The following TSPAN12 variants were observed in gnomAD, a reference collection of about 807,000 sequenced individuals.
TSPAN12 encodes tetraspanin-12.
In TSPAN12, 19 loss-of-function variants were observed where a neutral mutation model predicts 39.2. The ratio of observed to expected loss-of-function variants is 0.49; its 90% CI spans 0.34 to 0.71. TSPAN12 has a LOEUF of 0.71. TSPAN12 is among the 30% of genes least tolerant of loss of function. The pLI is 0.01. For missense variants in TSPAN12, 314 were observed against 359.9 expected (o/e 0.87, Z 1.03); for synonymous variants, 119 against 124.8 (o/e 0.95, Z 0.31).
intron 2 of TSPAN12, among the ~76,000 whole-genome samples, chr7:120,851,263 G>A (rs1363901263): frequency 6.6e-6 from 1 of 152,146 alleles, no homozygotes; most frequent in Non-Finnish European, 1.5e-5. Context: ...GAAAAAGAAA[G>A]AGAGCATTGA....
intron 2 of TSPAN12, among the ~76,000 whole-genome samples, chr7:120,855,603 T>C (rs1794855719): frequency 6.6e-6 from 1 of 152,226 alleles, no homozygotes; most frequent in South Asian, 2.1e-4. Flanking sequence ...CCCAATGCTT[T>C]AATTTTGAGA....
At chr7:120,816,676 A>G (rs1222264132) in intron 4 of TSPAN12, among the ~76,000 whole-genome samples, 1 of 152,164 alleles carries the variant, frequency 6.6e-6, no homozygotes, top group East Asian at 1.9e-4. Context: ...TAAATAATAC[A>G]CTAGTGAATT....
At chr7:120,805,765 T>A (rs571010582) in intron 7 of TSPAN12, among the ~76,000 whole-genome samples, 1 of 152,256 alleles carries the variant, frequency 6.6e-6, no homozygotes, top group Admixed American at 6.5e-5. Flanking sequence ...ATGTAGCTAG[T>A]GCAACAGAGG....
At chr7:120,836,833 T>A (rs1794485577) in intron 4 of TSPAN12, among the ~76,000 whole-genome samples, 1 of 152,222 alleles carries the variant, frequency 6.6e-6, no homozygotes, top group Admixed American at 6.5e-5. Context: ...ATTACTTTGT[T>A]GTTTGTCAAT....
intron 7 of TSPAN12, among the ~76,000 whole-genome samples, chr7:120,790,452 A>G (rs984219793): frequency 6.6e-6 from 1 of 152,232 alleles, no homozygotes; most frequent in African/African-American, 2.4e-5. Context: ...AGAACCCAGT[A>G]GGTACAATCT....
At chr7:120,838,634 A>C in intron 4 of TSPAN12, 143 bp downstream of exon 4, 1 of 808,114 alleles carries the variant, frequency 1.2e-6, no homozygotes, top group Non-Finnish European at 2.0e-6. Flanking sequence ...GTATTCAAAT[A>C]ATCTCTTGTG....
intron 7 of TSPAN12, among the ~76,000 whole-genome samples, chr7:120,793,563 C>T (rs1793574525): frequency 6.6e-6 from 1 of 152,198 alleles, no homozygotes; most frequent in African/African-American, 2.4e-5. Context: ...ACTCCTCAAA[C>T]AAGGCAGAAC....
chr7:120,830,035 G>A (rs1422417485), intron 4 of TSPAN12, among the ~76,000 whole-genome samples: 1 of 151,998 alleles, frequency 6.6e-6, no homozygotes. Flanking sequence ...GACATCTGCT[G>A]ACATACTTTC....
At chr7:120,853,884 A>AAAAG (rs1562955595) in intron 2 of TSPAN12, among the ~76,000 whole-genome samples, 6 of 147,870 alleles carry the variant, frequency 4.1e-5, no homozygotes, top group Non-Finnish European at 8.9e-5. Context: ...AAAAAAAAAA[A>AAAAG]AAAAGAAAAG....
At chr7:120,847,446 T>C (rs1794694146) in intron 2 of TSPAN12, among the ~76,000 whole-genome samples, 1 of 152,174 alleles carries the variant, frequency 6.6e-6, no homozygotes, top group Non-Finnish European at 1.5e-5. Flanking sequence ...TAACTATCTA[T>C]CATACTATCA....
intron 2 of TSPAN12, among the ~76,000 whole-genome samples, chr7:120,851,386 T>C (rs1013390167): frequency 3.3e-5 from 5 of 152,214 alleles, no homozygotes; most frequent in African/African-American, 1.2e-4. Flanking sequence ...ATCAGGGTAG[T>C]TCTTCTCTAT....
At chr7:120,845,051 A>C (rs1794646629) in intron 2 of TSPAN12, among the ~76,000 whole-genome samples, 1 of 152,184 alleles carries the variant, frequency 6.6e-6, no homozygotes, top group Non-Finnish European at 1.5e-5. Flanking sequence ...CACAGGCTTA[A>C]CACCACATGG....
At chr7:120,826,872 A>C (rs1263258492) in intron 4 of TSPAN12, among the ~76,000 whole-genome samples, 1 of 151,936 alleles carries the variant, frequency 6.6e-6, no homozygotes, top group African/African-American at 2.4e-5. Context: ...ACAGACATGC[A>C]CCACCATGCC....
chr7:120,850,450 T>G (rs1201833610), intron 2 of TSPAN12, among the ~76,000 whole-genome samples: 4 of 152,204 alleles, frequency 2.6e-5, no homozygotes, highest in African/African-American at 9.6e-5. Flanking sequence ...CATGATAGTT[T>G]CTGTGCAGTC....
chr7:120,822,548 A>G (rs760275588), intron 4 of TSPAN12, among the ~76,000 whole-genome samples: 10 of 152,170 alleles, frequency 6.6e-5, no homozygotes, highest in Non-Finnish European at 1.3e-4. Flanking sequence ...GCAGAGTGGC[A>G]AATTCCTCAG....
chr7:120,819,641 G>A (rs994075782), intron 4 of TSPAN12, among the ~76,000 whole-genome samples: 1 of 152,102 alleles, frequency 6.6e-6, no homozygotes, highest in Non-Finnish European at 1.5e-5. Flanking sequence ...AAATGATGTT[G>A]CAGCTTCACG....
intron 2 of TSPAN12, among the ~76,000 whole-genome samples, chr7:120,840,452 G>T (rs980834923): frequency 2.6e-5 from 4 of 152,052 alleles, no homozygotes; most frequent in African/African-American, 9.7e-5. Flanking sequence ...TAAAGGCAAG[G>T]AAGCAATTAA....
intron 7 of TSPAN12, among the ~76,000 whole-genome samples, chr7:120,805,775 G>T (rs960129411): frequency 2.6e-5 from 4 of 152,070 alleles, no homozygotes; most frequent in African/African-American, 9.7e-5. Flanking sequence ...TGCAACAGAG[G>T]AACAGATATT....
chr7:120,802,514 T>G (rs1793793740), intron 7 of TSPAN12, among the ~76,000 whole-genome samples: 1 of 152,194 alleles, frequency 6.6e-6, no homozygotes, highest in Non-Finnish European at 1.5e-5. Flanking sequence ...TTGCTGTTTT[T>G]TTTTCTTGTT....
Sources: gnomAD v4.1 joint callset for allele counts (sites outside exome capture counted in the v4.1 genomes callset) on GRCh38, gnomAD v4.1.1 for gene constraint, MANE v1.5 for transcripts, NCBI Gene and HGNC (gene_info 2026-07-23, HGNC 2026-07-21) for gene names.